Variants in CNTNAP4 observed in about 807,000 individuals in gnomAD.
CNTNAP4 encodes the protein contactin associated protein family member 4.
A neutral mutation model predicts 148.4 loss-of-function variants in CNTNAP4; 98 were observed. That is an observed-to-expected ratio of 0.66 (90% CI 0.56 to 0.78). The LOEUF is 0.78. Among genes scored for constraint, CNTNAP4 ranks in the 30% least tolerant of loss-of-function variants. The pLI is 0.00. For synonymous variants in CNTNAP4, 730 were observed against 565.1 expected (o/e 1.29, Z -4.14); for missense variants, 1,935 against 1,565.6 (o/e 1.24, Z -3.98).
At chr16:76,522,660 C>T (rs71394266) in intron 17 of CNTNAP4, among the ~76,000 whole-genome samples, 15,202 of 91,742 alleles carry the variant, frequency 0.17, 3,448 homozygotes, top group Non-Finnish European at 0.19. Context: ...CTCTCTTTCT[C>T]TCTTTCCTTC....
At chr16:76,531,412 C>T (rs1425006887) in intron 17 of CNTNAP4, among the ~76,000 whole-genome samples, 1 of 152,142 alleles carries the variant, frequency 6.6e-6, no homozygotes, top group African/African-American at 2.4e-5. Context: ...TATTCAGATG[C>T]AGGCCCTCAA....
chr16:76,441,394 G>A (rs1331089468), intron 4 of CNTNAP4, among the ~76,000 whole-genome samples: 1 of 152,118 alleles, frequency 6.6e-6, no homozygotes, highest in Non-Finnish European at 1.5e-5. Context: ...TAATTCCATG[G>A]CAGATTGTAT....
At chr16:76,423,199 C>G (rs2079254045) in intron 3 of CNTNAP4, among the ~76,000 whole-genome samples, 2 of 152,120 alleles carry the variant, frequency 1.3e-5, no homozygotes, top group Non-Finnish European at 2.9e-5. Context: ...CAGTTTATGA[C>G]TTTTGAAGTG....
chr16:76,395,270 C>T lies in CNTNAP4; in HGVS notation c.391-32182C>T, dbSNP rs868789454. On this transcript the variant is annotated intron_variant, in intron 3 of 23. Coordinates refer to ENST00000611870, the MANE Select transcript of CNTNAP4 (RefSeq NM_033401.5). ...TTTACCACTTATCAGGCCAAAGATTCTTTTTTTTTTTTTGAGATGCAGTCT... is the reference window on the plus strand; with the variant it reads ...TTTACCACTTATCAGGCCAAAGATTTTTTTTTTTTTTTTGAGATGCAGTCT... Among the ~76,000 whole-genome samples, 132 of 145,494 alleles carry T rather than the reference C, an allele frequency of 9.1e-4. No homozygotes were observed. In the South Asian group the frequency reaches 0.013, roughly 14 times the overall value.
Position 76,460,964 on chromosome 16 carries a change from T to C in CNTNAP4, c.1334-992T>C, listed in dbSNP as rs182612438. 8.5e-3 allele frequency among the ~76,000 whole-genome samples: 1,282 copies of C among 151,480 alleles called. 22 individuals are homozygous for C. Among genetic ancestry groups the C allele is most frequent in the African/African-American group, 0.03 (1,243 of 41,214 alleles). On this transcript the variant is annotated intron_variant, in intron 8 of 23. Transcript: ENST00000611870. ...TCACAACATTTTCTCAATCAGTCAA[T>C]ACATAATCTTGTTTTATGTGTGTTT...
At chr16:76,374,932 T>C (rs1307280570) in intron 3 of CNTNAP4, among the ~76,000 whole-genome samples, 2 of 152,030 alleles carry the variant, frequency 1.3e-5, no homozygotes, top group East Asian at 3.9e-4. Context: ...TATGCCTGGC[T>C]AATTTTTGTC....
chr16:76,346,488 G>A (rs1964914433), intron 2 of CNTNAP4, among the ~76,000 whole-genome samples: 1 of 150,968 alleles, frequency 6.6e-6, no homozygotes, highest in African/African-American at 2.4e-5. Context: ...TTAAATTTCT[G>A]GGATATTGCC....
intron 4 of CNTNAP4, among the ~76,000 whole-genome samples, chr16:76,446,239 T>A (rs1407711433): frequency 6.6e-6 from 1 of 152,204 alleles, no homozygotes. Flanking sequence ...ATAATAACTT[T>A]GTCACATCAA....
At chr16:76,388,800 G>T (rs1392622006) in intron 3 of CNTNAP4, among the ~76,000 whole-genome samples, 3 of 152,158 alleles carry the variant, frequency 2.0e-5, no homozygotes. Flanking sequence ...ATGGGAATCA[G>T]AGACTTTTGT....
rs149173098 is a variant in CNTNAP4, at chr16:76,476,439, G to T, written c.1762+394G>T. Among the ~76,000 whole-genome samples the T allele has an allele frequency of 4.6e-5, 7 of 152,280 alleles. No individual in the cohort carries two copies. The East Asian group carries it at 1.4e-3, about 29-fold the overall frequency. On this transcript the variant is annotated intron_variant, in intron 11 of 23. Coordinates refer to ENST00000611870, the MANE Select transcript of CNTNAP4 (RefSeq NM_033401.5). ...TTAAACAAAGAGATTCTCAGAAACAGCCCTGGTTGGAGTGGGTTGGGGTGG... is the reference window on the plus strand; with the variant it reads ...TTAAACAAAGAGATTCTCAGAAACATCCCTGGTTGGAGTGGGTTGGGGTGG...
chr16:76,358,019 G>C (rs181141377), intron 3 of CNTNAP4, among the ~76,000 whole-genome samples: 20 of 152,190 alleles, frequency 1.3e-4, no homozygotes, highest in Admixed American at 5.2e-4. Flanking sequence ...ATTTCTGGAA[G>C]GTATCAAAAG....
rs574376023 is a variant in CNTNAP4, at chr16:76,308,766, C to A, written c.86-7647C>A. On this transcript the variant is annotated intron_variant, in intron 1 of 23. Coordinates refer to ENST00000611870, the MANE Select transcript of CNTNAP4 (RefSeq NM_033401.5). ...CAGTTAGGATGAATCACTGAAGATG[C>A]ACACTACAGAGATGCGACAACCCTG... Among the ~76,000 whole-genome samples, 3 of 152,316 alleles carry A rather than the reference C, an allele frequency of 2.0e-5. No homozygotes were observed. The East Asian group carries it at 5.8e-4, about 29-fold the overall frequency.
intron 3 of CNTNAP4, among the ~76,000 whole-genome samples, chr16:76,393,004 CGTAA>C (rs2078079812): frequency 6.6e-6 from 1 of 152,118 alleles, no homozygotes; most frequent in Non-Finnish European, 1.5e-5. Context: ...TCATTTTTAT[CGTAA>C]GTATTTTAAT....
chr16:76,538,340 G>T lies in CNTNAP4; in HGVS notation c.3220G>T (p.Gly1074Ter), dbSNP rs760105532. The T allele has an allele frequency of 6.3e-7, 1 of 1,597,040 alleles. No individual in the cohort carries two copies. ...CCTTTCTGTGATCATTGCCAAAAAT[G>T]GTGAGTTCTTTTTAGATGAGAGAGA... ...EYLSVIIAKN[G>*]SLQIRYKLNK... The change falls in exon 19 of 24, where the codon GGA becomes TGA. Residue 1074 changes from glycine to a stop codon, truncating the protein, a stop_gained and splice_region_variant. Transcript: ENST00000611870. LOFTEE classifies it high-confidence loss of function.
intron 4 of CNTNAP4, among the ~76,000 whole-genome samples, chr16:76,436,230 G>A (rs1246750044): frequency 6.6e-6 from 1 of 152,064 alleles, no homozygotes; most frequent in Admixed American, 6.6e-5. Flanking sequence ...TGTGGGTCAG[G>A]GAGGGGATGA....
intron 21 of CNTNAP4, among the ~76,000 whole-genome samples, chr16:76,546,173 G>A (rs2144343815): frequency 6.6e-6 from 1 of 152,334 alleles, no homozygotes; most frequent in South Asian, 2.1e-4. Flanking sequence ...GAAGGGATTG[G>A]CTGGGGTGTG....
intron 15 of CNTNAP4, among the ~76,000 whole-genome samples, chr16:76,512,651 G>C (rs2144016215): frequency 6.6e-6 from 1 of 152,274 alleles, no homozygotes; most frequent in East Asian, 1.9e-4. Flanking sequence ...GGAGTTGTCA[G>C]TTTTCAGCAT....
At chr16:76,494,844 A>C in intron 13 of CNTNAP4, 66 bp from the exon 14 acceptor site, 1 of 1,448,548 alleles carries the variant, frequency 6.9e-7, no homozygotes, top group Non-Finnish European at 9.5e-7. Context: ...AAGAAAAGGA[A>C]TTATATTGGG....
intron 6 of CNTNAP4, 96 bp downstream of exon 6, chr16:76,449,047 G>C (rs2080356653): frequency 8.8e-7 from 1 of 1,142,154 alleles, no homozygotes; most frequent in Non-Finnish European, 1.3e-6. Context: ...CACCTTTTCA[G>C]TAAATCATAG....
Sources: allele counts gnomAD v4.1 joint callset (sites outside exome capture counted in the v4.1 genomes callset), GRCh38; gene constraint gnomAD v4.1.1; transcripts MANE v1.5; gene names NCBI Gene and HGNC (gene_info 2026-07-23, HGNC 2026-07-21).